MYO3B: variants seen among roughly 807,000 people sequenced by gnomAD.
The protein encoded by MYO3B is myosin IIIB.
MYO3B carries 156 observed loss-of-function variants against 174.6 expected under a neutral mutation model. The observed-to-expected ratio is 0.89, with a 90% confidence interval of 0.78 to 1.02. The LOEUF (loss-of-function observed/expected upper bound fraction) is 1.02, where lower values mean the gene tolerates loss of function less well. Among genes scored for constraint, MYO3B ranks in the 50% least tolerant of loss-of-function variants. MYO3B has a pLI of 0.00. For synonymous variants in MYO3B, 563 were observed against 569.1 expected (o/e 0.99, Z 0.15); for missense variants, 1,632 against 1,639.4 (o/e 1.00, Z 0.08).
At chr2:170,608,276 A>C (rs1449764815) in intron 32 of MYO3B, among the ~76,000 whole-genome samples, 1 of 152,242 alleles carries the variant, frequency 6.6e-6, no homozygotes, top group African/African-American at 2.4e-5. Flanking sequence ...TTTATTACTT[A>C]CTTGCTATGT....
chr2:170,268,305 A>G (rs985828698), intron 7 of MYO3B, among the ~76,000 whole-genome samples: 1 of 152,176 alleles, frequency 6.6e-6, no homozygotes, highest in East Asian at 1.9e-4. Context: ...ACAAGCCATA[A>G]TGGGTGAGAA....
chr2:170,628,254 C>T (rs1696633883), intron 32 of MYO3B, among the ~76,000 whole-genome samples: 1 of 152,230 alleles, frequency 6.6e-6, no homozygotes. Flanking sequence ...TGGCAGGCGC[C>T]CCACCCCCAG....
At chr2:170,444,696 T>C (rs1438713317) in intron 23 of MYO3B, among the ~76,000 whole-genome samples, 6 of 152,226 alleles carry the variant, frequency 3.9e-5, no homozygotes, top group Non-Finnish European at 7.3e-5. Flanking sequence ...ATTCCAAAAT[T>C]GATACAGATG....
intron 32 of MYO3B, among the ~76,000 whole-genome samples, chr2:170,589,449 G>C (rs889574196): frequency 3.9e-5 from 6 of 152,136 alleles, no homozygotes; most frequent in Admixed American, 1.3e-4. Flanking sequence ...AGACCTTCCA[G>C]TGGGACAAGA....
intron 30 of MYO3B, among the ~76,000 whole-genome samples, chr2:170,522,339 A>G (rs762608758): frequency 6.6e-6 from 1 of 152,098 alleles, no homozygotes; most frequent in African/African-American, 2.4e-5. Context: ...TCCCACTTCT[A>G]TGATTGACAT....
At chr2:170,501,590 C>T (rs1034956220) in intron 27 of MYO3B, among the ~76,000 whole-genome samples, 195 bp from the exon 28 acceptor site, 1 of 152,176 alleles carries the variant, frequency 6.6e-6, no homozygotes, top group African/African-American at 2.4e-5. Context: ...TCAGAAGCAT[C>T]TTTAAAGCCA....
Position 170,392,406 on chromosome 2 carries a change from G to A in MYO3B, c.1702G>A (p.Val568Met), listed in dbSNP as rs2094418302. Residue 568 changes from valine (V) to methionine (M), a missense_variant, in exon 16 of 35, where the codon GTG becomes ATG. Transcript: ENST00000408978. ...GTACATAGCTGATGAAACTGGAAGG[G>A]TGATGCACGACATAACTTCCAAGGA... Reference protein sequence around the residue: ...PRYIADETGRVMHDITSKESY... With the variant: ...PRYIADETGRMMHDITSKESY... 2 of 1,601,018 alleles carry A rather than the reference G, an allele frequency of 1.2e-6. No homozygotes were observed. The highest frequency in any genetic ancestry group is 1.7e-6 in the Non-Finnish European group (2 of 1,172,186).
At chr2:170,450,788 A>G (rs1394569189) in intron 23 of MYO3B, among the ~76,000 whole-genome samples, 1 of 152,176 alleles carries the variant, frequency 6.6e-6, no homozygotes, top group Non-Finnish European at 1.5e-5. Context: ...ACTCTTTACA[A>G]TTTTCTGTTA....
chr2:170,511,116 G>A (rs1160456517), intron 28 of MYO3B, among the ~76,000 whole-genome samples: 2 of 149,992 alleles, frequency 1.3e-5, no homozygotes, highest in Non-Finnish European at 3.0e-5. Flanking sequence ...CTGGAGTGCA[G>A]TGGTGCGATC....
chr2:170,635,550 A>T (rs1697392138), intron 32 of MYO3B, among the ~76,000 whole-genome samples: 1 of 152,146 alleles, frequency 6.6e-6, no homozygotes, highest in Non-Finnish European at 1.5e-5. Flanking sequence ...CCAACACAAC[A>T]CATGTATACA....
At chr2:170,392,354 T>C (rs2094417984) in intron 15 of MYO3B, 27 bp from the exon 16 acceptor site, 2 of 1,501,822 alleles carry the variant, frequency 1.3e-6, no homozygotes. Context: ...GTGCTCATTC[T>C]GTTTGGTCAT....
At chr2:170,626,020 T>C (rs970988366) in intron 32 of MYO3B, among the ~76,000 whole-genome samples, 2 of 152,174 alleles carry the variant, frequency 1.3e-5, no homozygotes, top group Admixed American at 6.5e-5. Context: ...CTGAGAAGAA[T>C]GTATATTCTG....
At chr2:170,620,550 C>G (rs1431253967) in intron 32 of MYO3B, among the ~76,000 whole-genome samples, 5 of 152,202 alleles carry the variant, frequency 3.3e-5, no homozygotes, top group Non-Finnish European at 7.4e-5. Context: ...CAGAAACTAG[C>G]AGAAGGCATG....
At chr2:170,511,777 T>C (rs983527586) in intron 28 of MYO3B, among the ~76,000 whole-genome samples, 2 of 152,180 alleles carry the variant, frequency 1.3e-5, no homozygotes, top group Non-Finnish European at 2.9e-5. Context: ...GACGGAGCAG[T>C]CTTACATGGA....
intron 25 of MYO3B, among the ~76,000 whole-genome samples, chr2:170,493,603 T>C (rs1686637728): frequency 6.6e-6 from 1 of 152,168 alleles, no homozygotes; most frequent in South Asian, 2.1e-4. Flanking sequence ...CCTTCATTCC[T>C]CTCCTATTGA....
rs768974458 is a variant in MYO3B, at chr2:170,580,718, A to ATATATATATATGTGTGTG, written c.3733+36731_3733+36732insATATATATATGTGTGTGT. ...CTTCAGGTCCCACAAAACCTTATATATGTGTGTGTGTGTGTGTGTGTGTGT... is the reference window on the plus strand; with the variant it reads ...CTTCAGGTCCCACAAAACCTTATATATATATATATATGTGTGTGTGTGTGTGTGTGTGTGTGTGTGTGT... On this transcript the variant is annotated intron_variant, in intron 32 of 34. Coordinates refer to ENST00000408978, the MANE Select transcript of MYO3B (RefSeq NM_138995.5). Among the ~76,000 whole-genome samples, 654 of 142,750 alleles carry ATATATATATATGTGTGTG rather than the reference A, an allele frequency of 4.6e-3. 5 individuals carry two copies. The highest frequency in any genetic ancestry group is 0.015 in the African/African-American group (584 of 38,230). 93.6% of individuals were successfully genotyped at this position (142,750 alleles called of 152,430 possible). A position where few individuals can be genotyped will look rare whatever the true frequency, so the allele number is the denominator to read the frequency against.
intron 25 of MYO3B, among the ~76,000 whole-genome samples, chr2:170,486,168 A>T (rs1686034191): frequency 6.6e-6 from 1 of 152,204 alleles, no homozygotes; most frequent in Non-Finnish European, 1.5e-5. Flanking sequence ...AAAGCCCCTA[A>T]TAGATTATCT....
At chr2:170,516,251 C>G (rs188714819) in intron 29 of MYO3B, among the ~76,000 whole-genome samples, 254 of 152,192 alleles carry the variant, frequency 1.7e-3, no homozygotes, top group African/African-American at 5.8e-3. Flanking sequence ...TTCCTACGTG[C>G]CCCCAAAGGC....
At chr2:170,372,009 C>A (rs190790261) in intron 9 of MYO3B, among the ~76,000 whole-genome samples, 1 of 149,944 alleles carries the variant, frequency 6.7e-6, no homozygotes, top group African/African-American at 2.4e-5. Context: ...TGCCTGTAGT[C>A]CCCGGAGGCT....
Sources: gnomAD v4.1 joint callset for allele counts (sites outside exome capture counted in the v4.1 genomes callset) on GRCh38, gnomAD v4.1.1 for gene constraint, MANE v1.5 for transcripts, NCBI Gene and HGNC (gene_info 2026-07-23, HGNC 2026-07-21) for gene names.